The following DST variants were observed in gnomAD, a reference collection of about 807,000 sequenced individuals.
The protein encoded by DST is bullous pemphigoid antigen.
Under a neutral mutation model 875.2 loss-of-function variants are expected in DST, and 253 were observed. The observed-to-expected ratio is 0.29, with a 90% CI of 0.26 to 0.32. The LOEUF (loss-of-function observed/expected upper bound fraction) is 0.32. Among genes scored for constraint, DST ranks in the 10% least tolerant of loss-of-function variants. The pLI is 1.00. For synonymous variants in DST, 3,124 were observed against 3,197.1 expected, an observed-to-expected ratio of 0.98 and a Z score of 0.77; for missense variants, 8,287 against 9,111.6, an observed-to-expected ratio of 0.91 and a Z score of 3.68.
At position 56,518,293 on chromosome 6, in the gene DST, G is replaced by C. The variant is rs143979318; in HGVS notation, c.18130-673C>G. ...GCACAGTACAAATTCATAAAGCAGA[G>C]AAAAACATACAGAAGAAAATTAAAA... is the stretch of plus-strand genomic sequence containing the variant. On this transcript the variant is annotated intron_variant, in intron 69 of 103. Coordinates refer to ENST00000680361, the MANE Select transcript of DST (RefSeq NM_001374736.1). 6.4e-3 allele frequency among the ~76,000 whole-genome samples: 970 copies of C among 152,078 alleles called. 6 individuals carry two copies. The highest frequency in any genetic ancestry group is 0.023 in the African/African-American group (935 of 41,508).
Position 56,477,455 on chromosome 6 carries a change from C to G in DST, c.21565G>C (p.Glu7189Gln). ...CCCATAGTGGTGGCTTTATTTAGTT[C>G]AGCTCTCTTTTCTTCCAGTTTCTTC... ...FMKKLEEKRA[E>Q]LNKATTMGDT... Residue 7189 changes from glutamate to glutamine, a missense_variant, in exon 91 of 104, where the codon GAA becomes CAA. This residue lies in a region of DST where 1,292 missense variants were observed against 1,552.7 expected (regional missense o/e 0.83). Coordinates refer to ENST00000680361, the MANE Select transcript of DST (RefSeq NM_001374736.1). The G allele has an allele frequency of 6.2e-7, 1 of 1,613,952 alleles. No homozygotes were observed. The highest frequency in any genetic ancestry group is 8.5e-7 in the Non-Finnish European group (1 of 1,179,846).
chr6:56,726,518 ACT>A (rs2099459246), intron 5 of DST, among the ~76,000 whole-genome samples: 1 of 152,226 alleles, frequency 6.6e-6, no homozygotes, highest in Admixed American at 6.5e-5. Context: ...TAAACTTCCT[ACT>A]ACCTAGCTAT....
chr6:56,672,542 C>T (rs990046379), intron 9 of DST, among the ~76,000 whole-genome samples: 4 of 151,924 alleles, frequency 2.6e-5, no homozygotes, highest in African/African-American at 9.7e-5. Flanking sequence ...TTCTTTGGCC[C>T]AAGTTCCAAT....
chr6:56,838,167 C>T (rs1226258571), intron 4 of DST, among the ~76,000 whole-genome samples: 1 of 152,162 alleles, frequency 6.6e-6, no homozygotes, highest in Non-Finnish European at 1.5e-5. Flanking sequence ...TTCGAAACTA[C>T]AAATCATCTT....
chr6:56,832,582 AAC>A (rs2099788447), intron 4 of DST, among the ~76,000 whole-genome samples: 1 of 151,838 alleles, frequency 6.6e-6, no homozygotes, highest in African/African-American at 2.4e-5. Context: ...GCAGTATGAA[AAC>A]AGACTAATGC....
chr6:56,679,803 T>C (rs2099148582), intron 9 of DST, among the ~76,000 whole-genome samples: 1 of 151,980 alleles, frequency 6.6e-6, no homozygotes, highest in African/African-American at 2.4e-5. Flanking sequence ...TGTCTAAAAC[T>C]ACCTACCCTA....
intron 4 of DST, among the ~76,000 whole-genome samples, chr6:56,789,365 A>ATG (rs1343273057): frequency 3.3e-5 from 5 of 152,196 alleles, no homozygotes; most frequent in Non-Finnish European, 2.9e-5. Flanking sequence ...AAAAATATAT[A>ATG]TAGTTATATA....
intron 15 of DST, among the ~76,000 whole-genome samples, chr6:56,643,984 G>A (rs553446818): frequency 1.2e-3 from 179 of 152,278 alleles, no homozygotes; most frequent in African/African-American, 2.9e-3. Context: ...GTTTACAAAT[G>A]AAGAAACTGA....
At chr6:56,913,575 C>A (rs913413508) in intron 2 of DST, among the ~76,000 whole-genome samples, 1 of 151,930 alleles carries the variant, frequency 6.6e-6, no homozygotes, top group African/African-American at 2.4e-5. Context: ...CCTGCAAAGT[C>A]AAAAATACTG....
At chr6:56,748,338 C>T (rs116537999) in intron 4 of DST, among the ~76,000 whole-genome samples, 1,893 of 152,234 alleles carry the variant, frequency 0.012, 39 homozygotes, top group African/African-American at 0.043. Context: ...GGCAAGGAAT[C>T]TACATAAACC....
intron 2 of DST, among the ~76,000 whole-genome samples, chr6:56,927,671 C>T (rs184940374): frequency 5.9e-4 from 90 of 151,744 alleles, no homozygotes; most frequent in Non-Finnish European, 2.8e-4. Flanking sequence ...CCCCCTTTGA[C>T]GAAGAGAAAA....
At position 56,635,649 on chromosome 6, in the gene DST, C is replaced by G. The variant is rs76795414; in HGVS notation, c.3126G>C (p.Lys1042Asn). 4 of 1,613,892 alleles carry G rather than the reference C, an allele frequency of 2.5e-6. No homozygotes were observed. Among genetic ancestry groups the G allele is most frequent in the Non-Finnish European group, 3.4e-6 (4 of 1,179,860 alleles). Residue 1042 changes from lysine (K) to asparagine (N), a missense_variant, in exon 24 of 104, where the codon AAG (lysine) becomes AAC (asparagine). Coordinates refer to ENST00000680361, the MANE Select transcript of DST (RefSeq NM_001374736.1). Reference sequence around the variant, plus strand: ...TGCTGCTTGATCTATCACAGCTGTACTTCCGCTGAATGGCATCTTTTAGAT... The same window carrying G: ...TGCTGCTTGATCTATCACAGCTGTAGTTCCGCTGAATGGCATCTTTTAGAT... ...LRNLKDAIQRKYSCDRSSSIH... is the reference protein window; with the variant it reads ...LRNLKDAIQRNYSCDRSSSIH...
At chr6:56,480,462 CT>C (rs746034582) in intron 90 of DST, among the ~76,000 whole-genome samples, 29 of 152,182 alleles carry the variant, frequency 1.9e-4, no homozygotes, top group Non-Finnish European at 3.8e-4. Flanking sequence ...CCAACCTAGT[CT>C]GAACCTTACC....
chr6:56,503,627 A>ACACACC lies in DST; in HGVS notation c.19566+369_19566+370insGGTGTG, dbSNP rs1478684126. ...CACACACACACACACACACACACAC[A>ACACACC]CCCCATGTCCCTAACATGAAGATAT... On this transcript the variant is annotated intron_variant, in intron 78 of 103. Coordinates refer to ENST00000680361, the MANE Select transcript of DST (RefSeq NM_001374736.1). Among the ~76,000 whole-genome samples the ACACACC allele has an allele frequency of 8.7e-4, 130 of 149,544 alleles. No individual in the cohort carries two copies. In the East Asian group the frequency reaches 0.013, roughly 15 times the overall value.
At position 56,511,374 on chromosome 6, in the gene DST, G is replaced by A. The variant is rs989035085; in HGVS notation, c.18603C>T (p.His6201=). 5 of 1,606,522 alleles carry A rather than the reference G, an allele frequency of 3.1e-6. No homozygotes were observed. The highest frequency in any genetic ancestry group is 2.2e-5 in the East Asian group (1 of 44,708). The change falls in exon 73 of 104, where the codon CAC becomes CAT. Residue 6201 remains histidine, a synonymous_variant. Coordinates refer to ENST00000680361, the MANE Select transcript of DST (RefSeq NM_001374736.1). ...TGTTCATCTTATCTATATGAGGCTT[G>A]TGTTCAGCTATCAACTCACGCAGTT... ...HRQLRELIAE[H]KPHIDKMNKT...
chr6:56,535,212 G>A lies in DST; in HGVS notation c.16851C>T (p.Ser5617=). The A allele has an allele frequency of 6.2e-7, 1 of 1,613,732 alleles. No homozygotes were observed. Among genetic ancestry groups the A allele is most frequent in the Non-Finnish European group, 8.5e-7 (1 of 1,179,770 alleles). Residue 5617 remains serine, a synonymous_variant, in exon 63 of 104, where the codon AGC becomes AGT. Transcript: ENST00000680361. ...CAAGCTCCTCAGTGTCCACCATCCAGCTGAGCAGGGACTCCAGGGCATCCT... is the reference window on the plus strand; with the variant it reads ...CAAGCTCCTCAGTGTCCACCATCCAACTGAGCAGGGACTCCAGGGCATCCT... ...RFQDALESLL[S]WMVDTEELVA... is the part of the protein sequence containing the mutation.
rs199844288 is a variant in DST at position 56,511,264 on chromosome 6, C to T, written c.18713G>A (p.Ser6238Asn). Residue 6238 changes from serine to asparagine, a missense_variant, in exon 73 of 104, where the codon AGT becomes AAT. Ser to Asn is a conservative substitution (Grantham distance 46). This residue lies in a region of DST where 1,292 missense variants were observed against 1,552.7 expected (regional missense o/e 0.83). Transcript: ENST00000680361. The stretch of plus-strand genomic sequence containing the variant: ...CTTTTTGACATCTTCTTTAATTTGA[C>T]TGTAAAGGGTGTCGGCTGCCACATA... ...EKYVAADTLY[S>N]QIKEDVKKRA... is the part of the protein sequence containing the mutation. The T allele has an allele frequency of 4.4e-6, 7 of 1,599,408 alleles. No individual in the cohort carries two copies. The highest frequency in any genetic ancestry group is 3.5e-5 in the Admixed American group (2 of 57,930).
intron 4 of DST, among the ~76,000 whole-genome samples, chr6:56,826,471 T>A (rs1334713224): frequency 2.0e-5 from 3 of 152,192 alleles, no homozygotes; most frequent in Admixed American, 6.5e-5. Flanking sequence ...AAATGTCAAA[T>A]TCAGAGATGA....
chr6:56,564,294 C>T (rs1473953687), intron 55 of DST, among the ~76,000 whole-genome samples: 1 of 152,134 alleles, frequency 6.6e-6, no homozygotes, highest in African/African-American at 2.4e-5. Flanking sequence ...TCCTTCGCAT[C>T]CCTTGTAAGT....
Sources: gnomAD v4.1 joint callset for allele counts (sites outside exome capture counted in the v4.1 genomes callset) on GRCh38, gnomAD v4.1.1 for gene constraint, gnomAD v4.1.1 regional missense constraint, MANE v1.5 for transcripts, NCBI Gene and HGNC (gene_info 2026-07-23, HGNC 2026-07-21) for gene names.